Variants in INTU observed in about 807,000 individuals in gnomAD.
INTU encodes protein inturned.
INTU carries 68 observed loss-of-function variants against 100.5 expected under a neutral mutation model. That is an observed-to-expected ratio of 0.68 (90% CI 0.56 to 0.83). INTU has a LOEUF of 0.83. Among genes scored for constraint, INTU ranks in the 40% least tolerant of loss-of-function variants. The probability of loss-of-function intolerance (pLI) is 0.00; values close to 1 mark genes in which losing one functional copy is unlikely to be tolerated. For missense variants in INTU, 1,071 were observed against 1,114.7 expected, an observed-to-expected ratio of 0.96 and a Z score of 0.56; for synonymous variants, 357 against 395.7, an observed-to-expected ratio of 0.90 and a Z score of 1.16.
Position 127,657,030 on chromosome 4 carries a change from CTAG to C in INTU, c.768+310_768+312del, listed in dbSNP as rs532661275. 3.3e-3 allele frequency among the ~76,000 whole-genome samples: 497 copies of C among 152,194 alleles called. 1 individual carries two copies. Among genetic ancestry groups the C allele is most frequent in the Non-Finnish European group, 5.6e-3 (384 of 67,988 alleles). On this transcript the variant is annotated intron_variant, in intron 3 of 15. Coordinates refer to ENST00000335251, the MANE Select transcript of INTU (RefSeq NM_015693.4). Reference sequence around the variant, plus strand: ...ATATATGCTTGTGACAATCTGGTTCCTAGAAGAGTCATTTTAAATAGTCAGGGA... The same window carrying C: ...ATATATGCTTGTGACAATCTGGTTCCAAGAGTCATTTTAAATAGTCAGGGA...
chr4:127,655,401 G>T (rs1200950676), intron 2 of INTU, among the ~76,000 whole-genome samples: 4 of 150,298 alleles, frequency 2.7e-5, no homozygotes, highest in African/African-American at 5.0e-5. Context: ...ATGGGTTTTT[G>T]GTGTGGATGT....
At chr4:127,649,802 T>C (rs1306901988) in intron 2 of INTU, among the ~76,000 whole-genome samples, 1 of 152,188 alleles carries the variant, frequency 6.6e-6, no homozygotes, top group Non-Finnish European at 1.5e-5. Context: ...ACACATTAAG[T>C]GCTCAGTAAA....
Position 127,669,150 on chromosome 4 carries a change from A to G in INTU, c.1087A>G (p.Thr363Ala). 1 of 1,417,452 alleles carries G rather than the reference A, an allele frequency of 7.1e-7. No homozygotes were observed. The allele number at this position is 1,417,452 out of a possible 1,614,324, so 87.8% of individuals were successfully genotyped here. Residue 363 changes from threonine (T) to alanine (A), a missense_variant, in exon 5 of 16, where the codon ACT (threonine) becomes GCT (alanine). By Grantham distance (58) the Thr-to-Ala change is moderately conservative. Coordinates refer to ENST00000335251, the MANE Select transcript of INTU (RefSeq NM_015693.4). Reference sequence around the variant, plus strand: ...GGAAAACGTAACTGGGACACAAGTTACTAGGTAATAATTTTTATTTAGCTT... The same window carrying G: ...GGAAAACGTAACTGGGACACAAGTTGCTAGGTAATAATTTTTATTTAGCTT... ...MLENVTGTQV[T>A]SSSLLLNGKQ...
At chr4:127,716,186 C>T (rs1312607911) in intron 15 of INTU, 139 bp from the exon 16 acceptor site, 75 of 479,430 alleles carry the variant, frequency 1.6e-4, no homozygotes, top group Non-Finnish European at 7.4e-6. Flanking sequence ...CTGCTTTCTC[C>T]CTAGTATAGA....
intron 6 of INTU, among the ~76,000 whole-genome samples, chr4:127,680,334 A>C (rs549102117): frequency 8.3e-4 from 125 of 150,120 alleles, no homozygotes; most frequent in South Asian, 2.8e-3. Flanking sequence ...TCCTTGATGA[A>C]CATTGATGCA....
At chr4:127,697,771 A>G (rs755590560) in intron 8 of INTU, among the ~76,000 whole-genome samples, 2 of 152,088 alleles carry the variant, frequency 1.3e-5, no homozygotes, top group Non-Finnish European at 2.9e-5. Context: ...AAAAAGTAGG[A>G]TTTATTGAGT....
intron 3 of INTU, among the ~76,000 whole-genome samples, chr4:127,663,006 C>G (rs1017176425): frequency 3.9e-5 from 6 of 152,126 alleles, no homozygotes; most frequent in Admixed American, 3.3e-4. Flanking sequence ...CCAGTGCTAT[C>G]GGCATTGATA....
chr4:127,638,061 T>C (rs916618239), intron 1 of INTU, among the ~76,000 whole-genome samples: 1 of 152,210 alleles, frequency 6.6e-6, no homozygotes, highest in Non-Finnish European at 1.5e-5. Context: ...ATTCATGGTG[T>C]TCCTTTAGTA....
intron 6 of INTU, among the ~76,000 whole-genome samples, chr4:127,675,521 A>C (rs943734779): frequency 1.3e-5 from 2 of 152,224 alleles, no homozygotes; most frequent in African/African-American, 4.8e-5. Flanking sequence ...TAAATAGTAA[A>C]CATTTATTAA....
chr4:127,683,746 T>C (rs1319886843), intron 6 of INTU: 4 of 152,162 alleles, frequency 2.6e-5, no homozygotes, highest in Non-Finnish European at 5.9e-5. Flanking sequence ...GAGAATAACT[T>C]TGGGTCTAAG....
intron 8 of INTU, among the ~76,000 whole-genome samples, chr4:127,698,281 T>G (rs1730485206): frequency 6.6e-6 from 1 of 151,888 alleles, no homozygotes; most frequent in South Asian, 2.1e-4. Flanking sequence ...GCTAACACGG[T>G]GAAACCCCAT....
chr4:127,670,214 T>G (rs1200483067), intron 5 of INTU, among the ~76,000 whole-genome samples: 1 of 151,824 alleles, frequency 6.6e-6, no homozygotes, highest in Non-Finnish European at 1.5e-5. Context: ...TTCAACAATT[T>G]TAGACTTTAC....
chr4:127,684,716 CTCT>C (rs759975189), intron 7 of INTU, among the ~76,000 whole-genome samples: 2 of 150,456 alleles, frequency 1.3e-5, no homozygotes, highest in African/African-American at 4.9e-5. Context: ...TTTCTCCTTC[CTCT>C]TCTTATTTTC....
intron 6 of INTU, among the ~76,000 whole-genome samples, chr4:127,681,879 T>C (rs1464757546): frequency 1.3e-5 from 2 of 151,928 alleles, no homozygotes; most frequent in African/African-American, 4.8e-5. Flanking sequence ...ATATCCAGAA[T>C]CTACAATGAA....
intron 3 of INTU, among the ~76,000 whole-genome samples, chr4:127,657,186 T>C (rs1178567262): frequency 6.6e-6 from 1 of 152,168 alleles, no homozygotes; most frequent in Non-Finnish European, 1.5e-5. Flanking sequence ...GCTTTTCTCC[T>C]GGACTTTTGT....
intron 3 of INTU, among the ~76,000 whole-genome samples, chr4:127,661,796 A>G (rs1560842427): frequency 6.6e-6 from 1 of 152,214 alleles, no homozygotes; most frequent in Non-Finnish European, 1.5e-5. Context: ...AATTTGGGGT[A>G]GATACCCAGT....
chr4:127,689,807 A>T (rs1356675943), intron 8 of INTU, among the ~76,000 whole-genome samples: 1 of 152,174 alleles, frequency 6.6e-6, no homozygotes, highest in Non-Finnish European at 1.5e-5. Context: ...ATAGATAGAA[A>T]CATAGAAAGT....
At chr4:127,682,027 A>C (rs1179793828) in intron 6 of INTU, among the ~76,000 whole-genome samples, 1 of 151,566 alleles carries the variant, frequency 6.6e-6, no homozygotes, top group East Asian at 1.9e-4. Context: ...TGGCCATCAG[A>C]GAAATGCAAA....
chr4:127,687,790 C>G lies in INTU; in HGVS notation c.1372C>G (p.Gln458Glu). Residue 458 changes from glutamine to glutamate, a missense_variant, in exon 8 of 16, where the codon CAG becomes GAG. Coordinates refer to ENST00000335251, the MANE Select transcript of INTU (RefSeq NM_015693.4). The part of the protein sequence containing the change: ...LHSSASPSAQ[Q>E]YDASSAVLLD... Reference sequence around the variant, plus strand: ...TTCCAGCGCCAGTCCCAGTGCTCAGCAGTACGATGCTTCCAGTGCAGTACT... The same window carrying G: ...TTCCAGCGCCAGTCCCAGTGCTCAGGAGTACGATGCTTCCAGTGCAGTACT... 6.2e-7 allele frequency: 1 copy of G among 1,613,490 alleles called. No individual in the cohort carries two copies.
Sources: gnomAD v4.1 joint callset for allele counts (sites outside exome capture counted in the v4.1 genomes callset) on GRCh38, gnomAD v4.1.1 for gene constraint, MANE v1.5 for transcripts, NCBI Gene and HGNC (gene_info 2026-07-23, HGNC 2026-07-21) for gene names.